SCG5: variants seen among roughly 807,000 people sequenced by gnomAD.
The protein encoded by SCG5 is secretogranin V.
A neutral mutation model predicts 25.7 loss-of-function variants in SCG5; 18 were observed. That is an observed-to-expected ratio of 0.70 (90% CI 0.48 to 1.04). The LOEUF is 1.04. SCG5 is among the 50% of genes least tolerant of loss of function. The probability of loss-of-function intolerance (pLI) is 0.00; values close to 1 mark genes in which losing one functional copy is unlikely to be tolerated. For synonymous variants in SCG5, 101 were observed against 91.7 expected, an observed-to-expected ratio of 1.10 and a Z score of -0.58; for missense variants, 206 against 259.8, an observed-to-expected ratio of 0.79 and a Z score of 1.42.
At position 32,663,078 on chromosome 15, in the gene SCG5, TAA is replaced by T. The variant is rs1491342929; in HGVS notation, c.227-16687_227-16686del. Among the ~76,000 whole-genome samples, 139 of 52,214 alleles carry T rather than the reference TAA, an allele frequency of 2.7e-3. 3 individuals are homozygous for T. Among genetic ancestry groups the T allele is most frequent in the African/African-American group, 8.1e-3 (134 of 16,546 alleles). 34.3% of individuals were successfully genotyped at this position (52,214 alleles called of 152,430 possible). ...ATATATATATATATATATATATATA[TAA>T]TATATAATATGTTATATATACACAT... On this transcript the variant is annotated intron_variant, in intron 2 of 5. Transcript: ENST00000300175.
At chr15:32,669,869 GA>G (rs150586292) in intron 2 of SCG5, among the ~76,000 whole-genome samples, 2,650 of 141,468 alleles carry the variant, frequency 0.019, 82 homozygotes, top group East Asian at 0.13. Flanking sequence ...CACCGCTTCA[GA>G]AAAAAAAAAA....
chr15:32,683,327 C>T (rs1391305516), intron 3 of SCG5, among the ~76,000 whole-genome samples: 7 of 152,096 alleles, frequency 4.6e-5, no homozygotes, highest in African/African-American at 9.7e-5. Context: ...CCTAACCCTG[C>T]ACAAAATTCA....
In SCG5 at chr15:32,696,425, G is replaced by C. The variant is rs2054965169; in HGVS notation, c.544-89G>C. 1.3e-5 allele frequency: 13 copies of C among 996,654 alleles called. No homozygotes were observed. In the Middle Eastern group the frequency reaches 6.4e-4, roughly 49 times the overall value. 61.7% of individuals were successfully genotyped at this position (996,654 alleles called of 1,614,324 possible). Reference sequence around the variant, plus strand: ...AGCCACCGCGCCCGGCCCCAGAAACGATTCTTGTTCATTTCTTTTCTGAGA... The same window carrying C: ...AGCCACCGCGCCCGGCCCCAGAAACCATTCTTGTTCATTTCTTTTCTGAGA... On this transcript the variant is annotated intron_variant, in intron 5 of 5. Coordinates refer to ENST00000300175, the MANE Select transcript of SCG5 (RefSeq NM_001144757.3).
intron 2 of SCG5, among the ~76,000 whole-genome samples, chr15:32,646,058 G>T (rs2053940227): frequency 7.2e-5 from 11 of 151,944 alleles, no homozygotes; most frequent in Admixed American, 7.2e-4. Context: ...CTCATGATCC[G>T]CCTGCCTCGG....
At chr15:32,659,077 G>A (rs1327276142) in intron 2 of SCG5, among the ~76,000 whole-genome samples, 1 of 152,162 alleles carries the variant, frequency 6.6e-6, no homozygotes, top group Non-Finnish European at 1.5e-5. Flanking sequence ...TCGGGAGGCT[G>A]AGGCAGGAGA....
intron 2 of SCG5, among the ~76,000 whole-genome samples, chr15:32,670,080 G>A (rs1207532997): frequency 1.3e-5 from 2 of 152,240 alleles, no homozygotes; most frequent in Non-Finnish European, 2.9e-5. Context: ...AGTAGATGAT[G>A]ATAATGTTGG....
chr15:32,653,856 A>G (rs1166781662), intron 2 of SCG5, among the ~76,000 whole-genome samples: 2 of 152,240 alleles, frequency 1.3e-5, no homozygotes, highest in Non-Finnish European at 2.9e-5. Context: ...ACTGGGTACT[A>G]TAACTTAGGC....
At chr15:32,647,979 T>A (rs2053970626) in intron 2 of SCG5, among the ~76,000 whole-genome samples, 1 of 152,174 alleles carries the variant, frequency 6.6e-6, no homozygotes, top group African/African-American at 2.4e-5. Context: ...AATCCATTTC[T>A]TGGCTGGTGA....
intron 2 of SCG5, among the ~76,000 whole-genome samples, chr15:32,669,328 T>A (rs1039921260): frequency 2.6e-5 from 4 of 152,178 alleles, no homozygotes; most frequent in African/African-American, 9.7e-5. Context: ...TAGGCCTGTA[T>A]ATGGAACCAG....
At chr15:32,684,392 T>A (rs185187829) in intron 3 of SCG5, 165 bp from the exon 4 acceptor site, 1 of 599,946 alleles carries the variant, frequency 1.7e-6, no homozygotes, top group African/African-American at 1.9e-5. Flanking sequence ...AGATGAGTAA[T>A]CCTATCTAAC....
chr15:32,671,763 C>T (rs546959964), intron 2 of SCG5, among the ~76,000 whole-genome samples: 2 of 152,164 alleles, frequency 1.3e-5, no homozygotes, highest in Admixed American at 1.3e-4. Context: ...ATTTCTGGGT[C>T]TCGGGGTTTC....
chr15:32,672,985 C>G (rs2054463646), intron 2 of SCG5: 1 of 151,514 alleles, frequency 6.6e-6, no homozygotes, highest in South Asian at 2.1e-4. Context: ...TAATTTCTGA[C>G]CAACCTTAAC....
chr15:32,652,343 C>T (rs2054046347), intron 2 of SCG5, among the ~76,000 whole-genome samples: 2 of 151,528 alleles, frequency 1.3e-5, no homozygotes, highest in Non-Finnish European at 2.9e-5. Context: ...CCCAGAATGT[C>T]AGGTAAAGGG....
intron 5 of SCG5, among the ~76,000 whole-genome samples, chr15:32,696,182 ACG>A (rs1481930907): frequency 5.3e-5 from 8 of 151,828 alleles, no homozygotes; most frequent in African/African-American, 9.7e-5. Context: ...CAGTGGCATG[ACG>A]TCTGCTCACT....
At chr15:32,649,431 A>G (rs1489440280) in intron 2 of SCG5, among the ~76,000 whole-genome samples, 1 of 152,200 alleles carries the variant, frequency 6.6e-6, no homozygotes, top group Non-Finnish European at 1.5e-5. Flanking sequence ...TCTAGAATTG[A>G]CTATGACTGT....
intron 2 of SCG5, among the ~76,000 whole-genome samples, chr15:32,656,519 A>T (rs2054120423): frequency 6.6e-6 from 1 of 152,254 alleles, no homozygotes; most frequent in African/African-American, 2.4e-5. Flanking sequence ...CTTAAGCTTT[A>T]CGAGTTAAAT....
intron 2 of SCG5, among the ~76,000 whole-genome samples, chr15:32,670,613 C>A (rs2054403545): frequency 6.6e-6 from 1 of 152,206 alleles, no homozygotes; most frequent in Admixed American, 6.5e-5. Context: ...ATTGTGTGTT[C>A]ATTTTCCCAT....
chr15:32,665,214 T>G (rs1399075412), intron 2 of SCG5, among the ~76,000 whole-genome samples: 1 of 152,222 alleles, frequency 6.6e-6, no homozygotes, highest in East Asian at 1.9e-4. Context: ...CTAATAGCAC[T>G]GAAACAATTA....
At chr15:32,692,864 T>A (rs1275223101) in intron 5 of SCG5, among the ~76,000 whole-genome samples, 1 of 152,154 alleles carries the variant, frequency 6.6e-6, no homozygotes, top group Admixed American at 6.5e-5. Context: ...CAAGCCCCTG[T>A]ACTGCCTGAC....
Sources: gnomAD v4.1 joint callset for allele counts (sites outside exome capture counted in the v4.1 genomes callset) on GRCh38, gnomAD v4.1.1 for gene constraint, MANE v1.5 for transcripts, NCBI Gene and HGNC (gene_info 2026-07-23, HGNC 2026-07-21) for gene names.